BRINP3: variants seen among roughly 807,000 people sequenced by gnomAD.
BRINP3 encodes BMP/retinoic acid-inducible neural-specific protein 3.
In BRINP3, 19 loss-of-function variants were observed where a neutral mutation model predicts 71.0. The ratio of observed to expected loss-of-function variants is 0.27; its 90% confidence interval spans 0.19 to 0.39. The LOEUF (loss-of-function observed/expected upper bound fraction) is 0.39, where lower values mean the gene tolerates loss of function less well. BRINP3 is among the 10% of genes least tolerant of loss of function. BRINP3 has a pLI of 1.00. For missense variants in BRINP3, 959 were observed against 940.8 expected (o/e 1.02, Z -0.25); for synonymous variants, 380 against 337.7 (o/e 1.13, Z -1.37).
intron 2 of BRINP3, among the ~76,000 whole-genome samples, chr1:190,315,449 G>T (rs1269382252): frequency 6.6e-6 from 1 of 152,098 alleles, no homozygotes; most frequent in Non-Finnish European, 1.5e-5. Flanking sequence ...GATAACACCA[G>T]ACAACTAATT....
At chr1:190,376,447 G>GT (rs1419526556) in intron 2 of BRINP3, among the ~76,000 whole-genome samples, 2 of 151,940 alleles carry the variant, frequency 1.3e-5, no homozygotes, top group African/African-American at 2.4e-5. Flanking sequence ...TTTATAACTG[G>GT]TTTTAACAGA....
chr1:190,258,474 A>G (rs1314587731), intron 4 of BRINP3, among the ~76,000 whole-genome samples: 1 of 152,084 alleles, frequency 6.6e-6, no homozygotes, highest in South Asian at 2.1e-4. Flanking sequence ...TCATTCTTGG[A>G]AAAGATCAAC....
intron 6 of BRINP3, chr1:190,217,113 T>C (rs1175641182): frequency 1.3e-5 from 2 of 151,916 alleles, no homozygotes; most frequent in African/African-American, 2.4e-5. Flanking sequence ...GTCTTGCACC[T>C]AAAAGTGAAG....
At chr1:190,110,771 G>GA (rs999586098) in intron 7 of BRINP3, among the ~76,000 whole-genome samples, 1 of 151,688 alleles carries the variant, frequency 6.6e-6, no homozygotes, top group Non-Finnish European at 1.5e-5. Context: ...TATATTCCAT[G>GA]AAAAAAAATT....
intron 6 of BRINP3, among the ~76,000 whole-genome samples, chr1:190,214,062 A>G (rs1226710935): frequency 1.3e-5 from 2 of 152,020 alleles, no homozygotes; most frequent in Non-Finnish European, 2.9e-5. Context: ...TTGGAGCTTG[A>G]GTCCCCGAAA....
At chr1:190,127,828 G>C (rs1256126411) in intron 7 of BRINP3, among the ~76,000 whole-genome samples, 3 of 151,898 alleles carry the variant, frequency 2.0e-5, no homozygotes, top group African/African-American at 7.2e-5. Flanking sequence ...TGGACTGGGA[G>C]AGTGAGTGAA....
chr1:190,456,759 T>C (rs1676020643), intron 1 of BRINP3, among the ~76,000 whole-genome samples: 1 of 152,036 alleles, frequency 6.6e-6, no homozygotes, highest in South Asian at 2.1e-4. Context: ...CAAAATTTAA[T>C]CATTATTTTT....
At chr1:190,428,574 T>C (rs1184029639) in intron 2 of BRINP3, among the ~76,000 whole-genome samples, 1 of 152,082 alleles carries the variant, frequency 6.6e-6, no homozygotes, top group African/African-American at 2.4e-5. Flanking sequence ...ATTCTATCTT[T>C]AACACCCACC....
chr1:190,301,180 T>TATATGTATATATATAC (rs1166508458), intron 2 of BRINP3, among the ~76,000 whole-genome samples: 5 of 117,070 alleles, frequency 4.3e-5, no homozygotes, highest in Non-Finnish European at 6.9e-5. Context: ...TATATACATA[T>TATATGTATATATATAC]ATATATGTAT....
At chr1:190,216,730 A>T (rs1656450919) in intron 6 of BRINP3, among the ~76,000 whole-genome samples, 1 of 151,906 alleles carries the variant, frequency 6.6e-6, no homozygotes, top group Non-Finnish European at 1.5e-5. Flanking sequence ...AGTCATTTAC[A>T]AACAGGTTAT....
chr1:190,104,079 T>C lies in BRINP3; in HGVS notation c.1185-4945A>G, dbSNP rs998991409. On this transcript the variant is annotated intron_variant, in intron 7 of 7. Transcript: ENST00000367462. Reference sequence around the variant, plus strand: ...AAATCTAAATATTATTTTTTAAATATGTGTTGAAAGTTTTGTTTCACAGAA... The same window carrying C: ...AAATCTAAATATTATTTTTTAAATACGTGTTGAAAGTTTTGTTTCACAGAA... Among the ~76,000 whole-genome samples, 15 of 152,144 alleles carry C rather than the reference T, an allele frequency of 9.9e-5. No individual in the cohort carries two copies. The South Asian group carries it at 2.9e-3, about 29-fold the overall frequency.
chr1:190,365,645 G>T (rs903735763), intron 2 of BRINP3, among the ~76,000 whole-genome samples: 1 of 140,058 alleles, frequency 7.1e-6, no homozygotes, highest in African/African-American at 2.6e-5. Context: ...GTAATATAAT[G>T]ATATAGTAAA....
At chr1:190,137,606 A>T (rs1268413124) in intron 7 of BRINP3, among the ~76,000 whole-genome samples, 4 of 152,140 alleles carry the variant, frequency 2.6e-5, no homozygotes, top group African/African-American at 4.8e-5. Flanking sequence ...TTTTAAAAAG[A>T]GCAAAACCCG....
chr1:190,471,230 G>T (rs939546624), intron 1 of BRINP3, among the ~76,000 whole-genome samples: 1 of 151,004 alleles, frequency 6.6e-6, no homozygotes, highest in Non-Finnish European at 1.5e-5. Flanking sequence ...ACTTGGCCAG[G>T]ACTTCCAAGT....
chr1:190,158,260 A>G (rs536133362), intron 7 of BRINP3, among the ~76,000 whole-genome samples: 1 of 152,186 alleles, frequency 6.6e-6, no homozygotes, highest in South Asian at 2.1e-4. Flanking sequence ...CCATTCATGT[A>G]AGATGTGACT....
chr1:190,412,684 G>A (rs1052409895), intron 2 of BRINP3, among the ~76,000 whole-genome samples: 3 of 151,088 alleles, frequency 2.0e-5, no homozygotes, highest in African/African-American at 7.3e-5. Context: ...GGATGGTCTC[G>A]ATCTCCTGAC....
chr1:190,226,294 T>G lies in BRINP3; in HGVS notation c.749A>C (p.Tyr250Ser). The G allele has an allele frequency of 6.2e-7, 1 of 1,604,800 alleles. No individual in the cohort carries two copies. Among genetic ancestry groups the G allele is most frequent in the Non-Finnish European group, 8.5e-7 (1 of 1,175,180 alleles). Reference sequence around the variant, plus strand: ...TGCTTGTACAAAACGTTCCTGAAGATAGTCTGGGAGAAGTACTTGAAGCCC... The same window carrying G: ...TGCTTGTACAAAACGTTCCTGAAGAGAGTCTGGGAGAAGTACTTGAAGCCC... ...LQGLQVLLPDYLQERFVQAAL... is the reference protein window; with the variant it reads ...LQGLQVLLPDSLQERFVQAAL... Residue 250 changes from tyrosine to serine, a missense_variant, in exon 6 of 8, where the codon TAT becomes TCT. Physicochemically the swap from Tyr to Ser is moderately radical, Grantham distance 144. Coordinates refer to ENST00000367462, the MANE Select transcript of BRINP3 (RefSeq NM_199051.3).
At chr1:190,155,315 C>A (rs1199910197) in intron 7 of BRINP3, among the ~76,000 whole-genome samples, 2 of 152,016 alleles carry the variant, frequency 1.3e-5, no homozygotes, top group African/African-American at 4.8e-5. Context: ...TTGCTTGCTG[C>A]AGCCTGTGTG....
intron 1 of BRINP3, among the ~76,000 whole-genome samples, chr1:190,459,003 G>A (rs1676198040): frequency 6.6e-6 from 1 of 151,520 alleles, no homozygotes. Context: ...TTAAAAACAT[G>A]ACTTTATGTT....
Sources: gnomAD v4.1 joint callset for allele counts (sites outside exome capture counted in the v4.1 genomes callset) on GRCh38, gnomAD v4.1.1 for gene constraint, MANE v1.5 for transcripts, NCBI Gene and HGNC (gene_info 2026-07-23, HGNC 2026-07-21) for gene names.